CTNNA2: variants seen among roughly 807,000 people sequenced by gnomAD.
CTNNA2 encodes catenin alpha 2.
In CTNNA2, 42 loss-of-function variants were observed where a neutral mutation model predicts 101.0. That is an observed-to-expected ratio of 0.42 (90% CI 0.32 to 0.54). CTNNA2 has a LOEUF of 0.54. CTNNA2 is among the 20% of genes least tolerant of loss of function. CTNNA2 has a pLI of 0.14. For missense variants in CTNNA2, 871 were observed against 1,223.1 expected (o/e 0.71, Z 4.29); for synonymous variants, 450 against 456.4 (o/e 0.99, Z 0.18).
rs1181416697 is a variant in CTNNA2 at position 79,929,085 on chromosome 2, TGACAGG to T, written c.1056+19292_1056+19297del. ...ATAACCTTCCTTTGACAGGGAGATG[TGACAGG>T]GACTGGGGCTCCAGCAAAGACTTTC... On this transcript the variant is annotated intron_variant, in intron 7 of 18. Coordinates refer to ENST00000402739, the MANE Select transcript of CTNNA2 (RefSeq NM_001282597.3). Among the ~76,000 whole-genome samples the T allele has an allele frequency of 3.9e-5, 6 of 152,312 alleles. No homozygotes were observed. In the East Asian group the frequency reaches 9.7e-4, roughly 25 times the overall value.
chr2:79,916,419 A>G (rs921156062), intron 7 of CTNNA2, among the ~76,000 whole-genome samples: 1 of 150,526 alleles, frequency 6.6e-6, no homozygotes, highest in African/African-American at 2.4e-5. Context: ...TGTATGTTCA[A>G]TGCCCTCATC....
At chr2:80,281,487 G>A (rs867778641) in intron 7 of CTNNA2, among the ~76,000 whole-genome samples, 9 of 152,138 alleles carry the variant, frequency 5.9e-5, no homozygotes, top group Middle Eastern at 3.4e-3. Context: ...AGTGTCTGTG[G>A]GTATAGTCAA....
chr2:79,460,062 G>A (rs1670863244), intron 4 of CTNNA2, among the ~76,000 whole-genome samples: 1 of 151,928 alleles, frequency 6.6e-6, no homozygotes, highest in South Asian at 2.1e-4. Context: ...ATCTTTCCAG[G>A]TAGTAATATA....
intron 9 of CTNNA2, among the ~76,000 whole-genome samples, chr2:80,459,625 G>A (rs556468713): frequency 1.7e-4 from 26 of 152,178 alleles, no homozygotes; most frequent in African/African-American, 6.3e-4. Context: ...CTTGATCAGT[G>A]CTCCAATTCC....
Position 80,272,047 on chromosome 2 carries a change from G to C in CTNNA2, c.1057-121164G>C, listed in dbSNP as rs549757319. ...ATAGGAGGAAACACTTTTTGAAACA[G>C]AGCTTCTTAAATCCTATCAGCAAGT... On this transcript the variant is annotated intron_variant, in intron 7 of 18. Coordinates refer to ENST00000402739, the MANE Select transcript of CTNNA2 (RefSeq NM_001282597.3). Among the ~76,000 whole-genome samples the C allele has an allele frequency of 8.8e-4, 134 of 152,310 alleles. 5 individuals are homozygous for C. The South Asian group carries it at 0.027, about 31-fold the overall frequency.
At chr2:79,478,815 A>G (rs749239196) in intron 4 of CTNNA2, among the ~76,000 whole-genome samples, 1 of 152,158 alleles carries the variant, frequency 6.6e-6, no homozygotes, top group Non-Finnish European at 1.5e-5. Context: ...AGCATGTAGT[A>G]TAATACCCAA....
intron 7 of CTNNA2, among the ~76,000 whole-genome samples, chr2:79,919,482 G>A (rs1207499832): frequency 6.6e-6 from 1 of 152,158 alleles, no homozygotes; most frequent in African/African-American, 2.4e-5. Flanking sequence ...TTATGAGAGA[G>A]GAAAGGGCTT....
intron 7 of CTNNA2, among the ~76,000 whole-genome samples, chr2:80,021,728 G>C (rs1843133): frequency 0.059 from 8,975 of 151,378 alleles, 753 homozygotes; most frequent in African/African-American, 0.19. Context: ...TTTTTTTGTG[G>C]TGAGAACATT....
chr2:80,239,313 C>T (rs1004060545), intron 7 of CTNNA2, among the ~76,000 whole-genome samples: 1 of 152,006 alleles, frequency 6.6e-6, no homozygotes, highest in Non-Finnish European at 1.5e-5. Flanking sequence ...CTTAGCTATG[C>T]GAAACTTGGG....
intron 7 of CTNNA2, among the ~76,000 whole-genome samples, chr2:79,958,184 A>G (rs898706788): frequency 9.9e-5 from 15 of 152,120 alleles, no homozygotes; most frequent in African/African-American, 3.1e-4. Flanking sequence ...TCGTTTGTCT[A>G]TCAGCCTCTT....
intron 7 of CTNNA2, among the ~76,000 whole-genome samples, chr2:80,105,632 G>A (rs1249339958): frequency 6.6e-6 from 1 of 152,098 alleles, no homozygotes; most frequent in Non-Finnish European, 1.5e-5. Context: ...AGCTATTTGG[G>A]AGGCTGAGGA....
intron 2 of CTNNA2, among the ~76,000 whole-genome samples, chr2:79,704,510 C>CATTTTTTTTTTTTTTTTTTTTTT (rs1553454271): frequency 7.8e-6 from 1 of 127,570 alleles, no homozygotes. Context: ...ACTTGTGCTT[C>CATTTTTTTTTTTTTTTTTTTTTT]TTTTTTTTTT....
At chr2:79,978,407 C>T (rs561935019) in intron 7 of CTNNA2, among the ~76,000 whole-genome samples, 2 of 152,194 alleles carry the variant, frequency 1.3e-5, no homozygotes, top group South Asian at 4.2e-4. Context: ...TAGAAGTTTG[C>T]ATCTAACCTG....
chr2:79,277,131 A>G (rs565918772), intron 2 of CTNNA2, among the ~76,000 whole-genome samples: 2 of 152,222 alleles, frequency 1.3e-5, no homozygotes, highest in East Asian at 3.9e-4. Context: ...CTAAATCCTC[A>G]GTTCCTTGGA....
At chr2:79,623,683 A>G (rs560006939) in intron 1 of CTNNA2, among the ~76,000 whole-genome samples, 1 of 152,174 alleles carries the variant, frequency 6.6e-6, no homozygotes, top group African/African-American at 2.4e-5. Flanking sequence ...GATGTCCCCT[A>G]TTTTAAGAAA....
At chr2:79,224,043 T>C (rs959221232) in intron 2 of CTNNA2, among the ~76,000 whole-genome samples, 2 of 152,260 alleles carry the variant, frequency 1.3e-5, no homozygotes, top group African/African-American at 4.8e-5. Flanking sequence ...TCTTCCGTTG[T>C]ACATTTCTGA....
At chr2:79,639,728 G>A (rs1378878334) in intron 1 of CTNNA2, among the ~76,000 whole-genome samples, 2 of 152,040 alleles carry the variant, frequency 1.3e-5, no homozygotes, top group Admixed American at 6.6e-5. Context: ...ACTATTGTAG[G>A]AAATTTGGGT....
At chr2:80,296,927 C>A (rs1383796635) in intron 7 of CTNNA2, among the ~76,000 whole-genome samples, 1 of 152,134 alleles carries the variant, frequency 6.6e-6, no homozygotes, top group Non-Finnish European at 1.5e-5. Flanking sequence ...GACACATGAT[C>A]CATTTAATCA....
At chr2:80,316,007 G>A (rs114713984) in intron 7 of CTNNA2, among the ~76,000 whole-genome samples, 18 of 152,178 alleles carry the variant, frequency 1.2e-4, no homozygotes, top group African/African-American at 3.6e-4. Context: ...TCATAAGCCC[G>A]CTAAGGTTTT....
Sources: gnomAD v4.1 joint callset for allele counts (sites outside exome capture counted in the v4.1 genomes callset) on GRCh38, gnomAD v4.1.1 for gene constraint, MANE v1.5 for transcripts, NCBI Gene and HGNC (gene_info 2026-07-23, HGNC 2026-07-21) for gene names.